The following AP1B1 variants were observed in gnomAD, a reference collection of about 807,000 sequenced individuals.
AP1B1 encodes adaptor related protein complex 1 subunit beta 1, also known as AP-1 complex subunit beta-1.
A neutral mutation model predicts 104.3 loss-of-function variants in AP1B1; 36 were observed. The observed-to-expected ratio is 0.35, with a 90% CI of 0.26 to 0.46. The LOEUF is 0.46. Ranked by LOEUF, AP1B1 falls within the 20% of genes least tolerant of loss-of-function variation. AP1B1 has a pLI of 1.00. For missense variants in AP1B1, 901 were observed against 1,247.9 expected, an observed-to-expected ratio of 0.72 and a Z score of 4.19; for synonymous variants, 504 against 517.5, an observed-to-expected ratio of 0.97 and a Z score of 0.35.
rs572068848 is a variant in AP1B1 at position 29,380,505 on chromosome 22, C to T, written c.-28+7919G>A. On this transcript the variant is annotated intron_variant, in intron 1 of 22. Coordinates refer to ENST00000357586, the MANE Select transcript of AP1B1 (RefSeq NM_001127.4). The stretch of plus-strand genomic sequence containing the variant: ...CTCAAACAATGGGATAAAAACTGAC[C>T]TCCTGCTTCCTTCCTTTCCCCAACT... Among the ~76,000 whole-genome samples, 4 of 152,228 alleles carry T rather than the reference C, an allele frequency of 2.6e-5. No individual in the cohort carries two copies. The South Asian group carries it at 8.3e-4, about 32-fold the overall frequency.
intron 1 of AP1B1, among the ~76,000 whole-genome samples, chr22:29,377,785 T>C (rs1279318127): frequency 6.7e-6 from 1 of 148,388 alleles, no homozygotes; most frequent in Non-Finnish European, 1.5e-5. Flanking sequence ...TACTCCAGCC[T>C]GGGTGACAGT....
At chr22:29,331,951 G>T in intron 17 of AP1B1, 35 bp from the exon 18 acceptor site, 1 of 1,585,492 alleles carries the variant, frequency 6.3e-7, no homozygotes. Flanking sequence ...GATGGCAGGG[G>T]GAGTAGGTGC....
intron 11 of AP1B1, among the ~76,000 whole-genome samples, chr22:29,346,585 C>A (rs2147970137): frequency 6.6e-6 from 1 of 152,338 alleles, no homozygotes; most frequent in East Asian, 1.9e-4. Flanking sequence ...TGCTTGCTTG[C>A]CCGCCGCTCA....
chr22:29,332,865 A>T (rs9613864), intron 17 of AP1B1, among the ~76,000 whole-genome samples: 19,909 of 152,240 alleles, frequency 0.13, 1,697 homozygotes, highest in South Asian at 0.3. Flanking sequence ...ACTGCTCGCT[A>T]TGTGAGCTGT....
In AP1B1 at chr22:29,372,176, A is replaced by G. The variant is rs900501121; in HGVS notation, c.-27-4906T>C. 2.6e-5 allele frequency among the ~76,000 whole-genome samples: 4 copies of G among 152,322 alleles called. No homozygotes were observed. In the South Asian group the frequency reaches 8.3e-4, roughly 32 times the overall value. On this transcript the variant is annotated intron_variant, in intron 1 of 22. Coordinates refer to ENST00000357586, the MANE Select transcript of AP1B1 (RefSeq NM_001127.4). ...GGTGGCTCACGCCTGTAATCCGAGC[A>G]GTTTGGGAGGTCCAGGTGGGCAGAT... is the stretch of plus-strand genomic sequence containing the variant.
At chr22:29,380,507 C>T (rs2062419950) in intron 1 of AP1B1, among the ~76,000 whole-genome samples, 1 of 152,148 alleles carries the variant, frequency 6.6e-6, no homozygotes, top group South Asian at 2.1e-4. Flanking sequence ...AAACTGACCT[C>T]CTGCTTCCTT....
chr22:29,337,004 G>A (rs552327667), intron 16 of AP1B1, among the ~76,000 whole-genome samples: 1 of 152,228 alleles, frequency 6.6e-6, no homozygotes, highest in South Asian at 2.1e-4. Context: ...AGTACGAGTT[G>A]GCCTCATGCC....
Position 29,327,829 on chromosome 22 carries a change from C to T in AP1B1, c.*992G>A, listed in dbSNP as rs939947016. ...GGAGGCAGCTTTCAATCCTGACATT[C>T]GGTGGAGGGGAAAAAAGTGTCCGTG... On this transcript the variant is annotated 3_prime_UTR_variant, in exon 23 of 23. Coordinates refer to ENST00000357586, the MANE Select transcript of AP1B1 (RefSeq NM_001127.4). The T allele has an allele frequency of 3.0e-4, 45 of 152,090 alleles. 1 individual carries two copies. Among genetic ancestry groups the T allele is most frequent in the Admixed American group, 2.8e-3 (43 of 15,256 alleles). 9.4% of individuals were successfully genotyped at this position (152,090 alleles called of 1,614,324 possible). A position where few individuals can be genotyped will look rare whatever the true frequency, so the allele number is the denominator to read the frequency against.
intron 8 of AP1B1, 195 bp from the exon 9 acceptor site, chr22:29,351,461 AT>A: frequency 1.2e-6 from 1 of 836,816 alleles, no homozygotes; most frequent in Non-Finnish European, 1.9e-6. Context: ...TTTGGGGTTG[AT>A]TTAGCTAACA....
intron 21 of AP1B1, 39 bp downstream of exon 21, chr22:29,330,339 G>A (rs763076451): frequency 1.9e-6 from 3 of 1,609,120 alleles, no homozygotes; most frequent in Non-Finnish European, 1.7e-6. Flanking sequence ...GGACGAAGGG[G>A]AGGCTCCAAG....
intron 1 of AP1B1, among the ~76,000 whole-genome samples, chr22:29,380,007 G>A (rs1389380611): frequency 6.6e-6 from 1 of 152,216 alleles, no homozygotes; most frequent in Non-Finnish European, 1.5e-5. Flanking sequence ...AAAGGACCTG[G>A]AAGGGAAAGG....
intron 11 of AP1B1, among the ~76,000 whole-genome samples, chr22:29,343,680 C>T (rs1156261177): frequency 6.6e-6 from 1 of 152,210 alleles, no homozygotes. Flanking sequence ...CAGATCACAC[C>T]TTATGTGAAC....
intron 1 of AP1B1, among the ~76,000 whole-genome samples, chr22:29,386,101 C>T (rs568073684): frequency 6.6e-6 from 1 of 152,220 alleles, no homozygotes; most frequent in Non-Finnish European, 1.5e-5. Context: ...AGGCATCAGT[C>T]TGCCTAGAGT....
chr22:29,359,770 G>T, intron 4 of AP1B1, 54 bp downstream of exon 4: 1 of 1,571,154 alleles, frequency 6.4e-7, no homozygotes, highest in Non-Finnish European at 8.6e-7. Flanking sequence ...GAGACTGAGG[G>T]GAGACAGAGC....
chr22:29,333,415 G>C (rs911892848), intron 17 of AP1B1: 4 of 152,346 alleles, frequency 2.6e-5, no homozygotes, highest in African/African-American at 9.7e-5. Context: ...GAGGCTGGTA[G>C]GCAGGCCCAC....
intron 2 of AP1B1, among the ~76,000 whole-genome samples, chr22:29,366,833 G>GAC (rs200885223): frequency 0.16 from 20,528 of 131,080 alleles, 1,673 homozygotes; most frequent in African/African-American, 0.21. Context: ...CTTGGATAAG[G>GAC]ACACACACAC....
intron 3 of AP1B1, among the ~76,000 whole-genome samples, chr22:29,361,217 T>C (rs1569161238): frequency 6.6e-6 from 1 of 152,214 alleles, no homozygotes; most frequent in Non-Finnish European, 1.5e-5. Context: ...TCCTTTCTGC[T>C]CTGGCTTCCA....
chr22:29,329,078 G>C (rs2061518415), intron 22 of AP1B1, 183 bp from the exon 23 acceptor site: 2 of 1,413,972 alleles, frequency 1.4e-6, no homozygotes, highest in Non-Finnish European at 1.8e-6. Flanking sequence ...AGCCAGCCGG[G>C]TGTGGACCAA....
rs2062000858 is a variant in AP1B1, at chr22:29,358,877, G to C, written c.374C>G (p.Pro125Arg). The C allele has an allele frequency of 1.2e-6, 2 of 1,613,918 alleles. No homozygotes were observed. Among genetic ancestry groups the C allele is most frequent in the Non-Finnish European group, 1.7e-6 (2 of 1,179,984 alleles). ...VDKITEYLCE[P>R]LRKCLKDEDP... ...CTCGTCCTTCAGGCACTTCCGGAGT[G>C]GCTCGCACAGGTACTCTGTGATCTT... The change falls in exon 5 of 23, where the codon CCA (proline) becomes CGA (arginine). Residue 125 changes from proline to arginine, a missense_variant. By Grantham distance (103) the Pro-to-Arg change is moderately radical. Around this residue, in one of 3 missense-constraint regions of AP1B1, gnomAD observed 471 missense variants for 696.7 expected, o/e 0.68. Coordinates refer to ENST00000357586, the MANE Select transcript of AP1B1 (RefSeq NM_001127.4).
Sources: gnomAD v4.1 joint callset for allele counts (sites outside exome capture counted in the v4.1 genomes callset) on GRCh38, gnomAD v4.1.1 for gene constraint, gnomAD v4.1.1 regional missense constraint, MANE v1.5 for transcripts, NCBI Gene and HGNC (gene_info 2026-07-23, HGNC 2026-07-21) for gene names.